CSRNP3: variants seen among roughly 807,000 people sequenced by gnomAD.
The protein encoded by CSRNP3 is cysteine and serine rich nuclear protein 3, also known as cysteine/serine-rich nuclear protein 3.
A neutral mutation model predicts 48.0 loss-of-function variants in CSRNP3; 12 were observed. That is an observed-to-expected ratio of 0.25 (90% CI 0.16 to 0.41). The LOEUF (loss-of-function observed/expected upper bound fraction) is 0.41, where lower values mean the gene tolerates loss of function less well. Among genes scored for constraint, CSRNP3 ranks in the 10% least tolerant of loss-of-function variants. CSRNP3 has a pLI of 1.00. For synonymous variants in CSRNP3, 263 were observed against 269.7 expected (o/e 0.98, Z 0.24); for missense variants, 580 against 724.4 (o/e 0.80, Z 2.29).
intron 4 of CSRNP3, among the ~76,000 whole-genome samples, chr2:165,608,732 A>G (rs961181967): frequency 2.6e-5 from 4 of 151,782 alleles, no homozygotes; most frequent in Non-Finnish European, 5.9e-5. Flanking sequence ...TTCCTTTGTG[A>G]TGACTATTAA....
At chr2:165,531,407 A>G (rs1684810006) in intron 3 of CSRNP3, among the ~76,000 whole-genome samples, 1 of 152,032 alleles carries the variant, frequency 6.6e-6, no homozygotes, top group South Asian at 2.1e-4. Flanking sequence ...TGTTGACACT[A>G]CTCTACACAG....
intron 3 of CSRNP3, among the ~76,000 whole-genome samples, chr2:165,573,000 A>G (rs1685395453): frequency 6.6e-6 from 1 of 152,148 alleles, no homozygotes. Flanking sequence ...ATAATATATC[A>G]TTCAAAATTT....
At chr2:165,524,280 T>C (rs986882530) in intron 3 of CSRNP3, among the ~76,000 whole-genome samples, 1 of 152,048 alleles carries the variant, frequency 6.6e-6, no homozygotes, top group Non-Finnish European at 1.5e-5. Context: ...CTTTAACTAC[T>C]TGGGGGAAAA....
intron 3 of CSRNP3, among the ~76,000 whole-genome samples, chr2:165,523,933 A>G (rs1356322755): frequency 1.3e-5 from 2 of 152,186 alleles, no homozygotes; most frequent in Admixed American, 1.3e-4. Flanking sequence ...TGTTATCATG[A>G]CTTTGTTAAT....
intron 3 of CSRNP3, among the ~76,000 whole-genome samples, chr2:165,524,422 A>G (rs2105237986): frequency 6.6e-6 from 1 of 152,322 alleles, no homozygotes; most frequent in South Asian, 2.1e-4. Context: ...TTGGCCTAGA[A>G]AAGTATTTAA....
chr2:165,486,035 G>A (rs1020875891), intron 1 of CSRNP3, among the ~76,000 whole-genome samples: 16 of 152,254 alleles, frequency 1.1e-4, no homozygotes, highest in South Asian at 2.1e-4. Flanking sequence ...CTGAGGTACC[G>A]GGTTCATCTC....
intron 4 of CSRNP3, among the ~76,000 whole-genome samples, chr2:165,609,720 T>C (rs999015867): frequency 6.6e-6 from 1 of 152,164 alleles, no homozygotes; most frequent in South Asian, 2.1e-4. Flanking sequence ...TTAATAGTTA[T>C]TCAGAAATTC....
intron 3 of CSRNP3, among the ~76,000 whole-genome samples, chr2:165,547,095 G>A (rs1685040093): frequency 6.6e-6 from 1 of 151,982 alleles, no homozygotes; most frequent in Admixed American, 6.6e-5. Context: ...CTTTTTCTGT[G>A]GACAGTAAAA....
At chr2:165,572,787 A>G (rs2105275379) in intron 3 of CSRNP3, among the ~76,000 whole-genome samples, 1 of 152,346 alleles carries the variant, frequency 6.6e-6, no homozygotes, top group South Asian at 2.1e-4. Context: ...ATATCATTAT[A>G]TTAAACTGAA....
At chr2:165,517,281 GAAC>G (rs1684594437) in intron 2 of CSRNP3, among the ~76,000 whole-genome samples, 1 of 151,844 alleles carries the variant, frequency 6.6e-6, no homozygotes, top group South Asian at 2.1e-4. Flanking sequence ...TAATTTTAAA[GAAC>G]AACATTTTTG....
chr2:165,507,079 T>C (rs1005095629), intron 2 of CSRNP3, among the ~76,000 whole-genome samples: 4 of 152,200 alleles, frequency 2.6e-5, no homozygotes, highest in Non-Finnish European at 4.4e-5. Context: ...AAGTGAATAG[T>C]GGAAATTACT....
intron 3 of CSRNP3, among the ~76,000 whole-genome samples, chr2:165,566,552 A>G (rs1014259205): frequency 5.3e-5 from 8 of 152,038 alleles, no homozygotes; most frequent in Admixed American, 5.3e-4. Flanking sequence ...TGGTTTTACA[A>G]GTTAATTAAT....
At chr2:165,531,018 C>T (rs1227408120) in intron 3 of CSRNP3, among the ~76,000 whole-genome samples, 1 of 151,500 alleles carries the variant, frequency 6.6e-6, no homozygotes, top group African/African-American at 2.4e-5. Context: ...TTAATATGCA[C>T]ATGAATAATA....
At chr2:165,570,615 G>A (rs1685356429) in intron 3 of CSRNP3, among the ~76,000 whole-genome samples, 1 of 150,022 alleles carries the variant, frequency 6.7e-6, no homozygotes, top group African/African-American at 2.4e-5. Flanking sequence ...AAAAATGGCT[G>A]CCTTTTGTTT....
chr2:165,553,766 A>G (rs1015048211), intron 3 of CSRNP3, among the ~76,000 whole-genome samples: 7 of 151,786 alleles, frequency 4.6e-5, no homozygotes, highest in Non-Finnish European at 1.5e-5. Flanking sequence ...AGTAGGTCCC[A>G]TTTCTTGGTG....
chr2:165,472,667 C>A (rs1458869865), intron 1 of CSRNP3, among the ~76,000 whole-genome samples: 4 of 151,868 alleles, frequency 2.6e-5, no homozygotes, highest in Admixed American at 6.6e-5. Flanking sequence ...TAACAGCTTT[C>A]CTATTATTTT....
intron 1 of CSRNP3, among the ~76,000 whole-genome samples, chr2:165,489,045 G>A (rs1268158333): frequency 7.6e-5 from 11 of 143,904 alleles, no homozygotes; most frequent in South Asian, 2.3e-4. Context: ...TTGATAGACC[G>A]CTAGCAAGAC....
At chr2:165,575,502 A>C (rs1414942156) in intron 3 of CSRNP3, among the ~76,000 whole-genome samples, 27 of 152,142 alleles carry the variant, frequency 1.8e-4, no homozygotes, top group Admixed American at 1.7e-3. Context: ...TGACTGCTTT[A>C]TGTTTTTATA....
intron 3 of CSRNP3, among the ~76,000 whole-genome samples, chr2:165,592,663 G>C (rs1054772696): frequency 6.6e-6 from 1 of 152,004 alleles, no homozygotes; most frequent in Non-Finnish European, 1.5e-5. Context: ...GTTTTATAAG[G>C]GGCTTTTTCC....
Sources: gnomAD v4.1 joint callset for allele counts (sites outside exome capture counted in the v4.1 genomes callset) on GRCh38, gnomAD v4.1.1 for gene constraint, MANE v1.5 for transcripts, NCBI Gene and HGNC (gene_info 2026-07-23, HGNC 2026-07-21) for gene names.